Variants in PRKCA observed in about 807,000 individuals in gnomAD.
The protein encoded by PRKCA is protein kinase C alpha type.
In PRKCA, 27 loss-of-function variants were observed where a neutral mutation model predicts 87.0. The ratio of observed to expected loss-of-function variants is 0.31; its 90% CI spans 0.23 to 0.43. The LOEUF is 0.43. Ranked by LOEUF, PRKCA falls within the 20% of genes least tolerant of loss-of-function variation. The probability of loss-of-function intolerance (pLI) is 1.00; values close to 1 mark genes in which losing one functional copy is unlikely to be tolerated. For synonymous variants in PRKCA, 329 were observed against 311.1 expected, an observed-to-expected ratio of 1.06 and a Z score of -0.61; for missense variants, 518 against 852.3, an observed-to-expected ratio of 0.61 and a Z score of 4.88.
At chr17:66,617,798 TAGTAG>T (rs1475389315) in intron 3 of PRKCA, among the ~76,000 whole-genome samples, 1 of 152,180 alleles carries the variant, frequency 6.6e-6, no homozygotes, top group Non-Finnish European at 1.5e-5. Context: ...TATGACTATC[TAGTAG>T]AGTAGGAACT....
intron 2 of PRKCA, among the ~76,000 whole-genome samples, chr17:66,439,412 C>T (rs889333355): frequency 1.3e-5 from 2 of 152,126 alleles, no homozygotes; most frequent in African/African-American, 4.8e-5. Context: ...GAACTCCTGA[C>T]CTTGTGATCT....
At chr17:66,440,174 G>T (rs977073199) in intron 2 of PRKCA, among the ~76,000 whole-genome samples, 1 of 152,140 alleles carries the variant, frequency 6.6e-6, no homozygotes, top group Non-Finnish European at 1.5e-5. Context: ...CAGTGATTAT[G>T]ACCACATTGA....
chr17:66,782,313 C>T (rs528288344), intron 14 of PRKCA, among the ~76,000 whole-genome samples: 24 of 152,082 alleles, frequency 1.6e-4, no homozygotes, highest in Non-Finnish European at 3.1e-4. Flanking sequence ...TAGTCTCTAT[C>T]TTTGCAACAG....
chr17:66,511,881 A>G (rs1197402982), intron 3 of PRKCA, among the ~76,000 whole-genome samples: 2 of 151,856 alleles, frequency 1.3e-5, no homozygotes, highest in Non-Finnish European at 2.9e-5. Flanking sequence ...GGGTTTCACC[A>G]TATTGGCCAG....
chr17:66,622,392 G>C (rs966480692), intron 3 of PRKCA, among the ~76,000 whole-genome samples: 8 of 152,176 alleles, frequency 5.3e-5, no homozygotes, highest in Non-Finnish European at 1.0e-4. Context: ...TAGCCCAACA[G>C]GGCAGATCAG....
intron 2 of PRKCA, among the ~76,000 whole-genome samples, chr17:66,433,752 C>T (rs1225188807): frequency 6.6e-6 from 1 of 152,130 alleles, no homozygotes; most frequent in African/African-American, 2.4e-5. Flanking sequence ...ACCATGTTGC[C>T]CACGCTGGTC....
intron 14 of PRKCA, chr17:66,777,386 C>T (rs1975080155): frequency 1.0e-6 from 1 of 985,002 alleles, no homozygotes; most frequent in South Asian, 4.7e-5. Context: ...TAAGGCTTGA[C>T]TGACATCAAA....
intron 2 of PRKCA, among the ~76,000 whole-genome samples, chr17:66,379,194 T>C (rs1441573773): frequency 1.3e-5 from 2 of 152,196 alleles, no homozygotes; most frequent in Non-Finnish European, 2.9e-5. Flanking sequence ...CTGGATCATA[T>C]GTTAATTCTG....
intron 2 of PRKCA, among the ~76,000 whole-genome samples, chr17:66,338,719 A>G (rs1369317885): frequency 6.6e-6 from 1 of 152,218 alleles, no homozygotes; most frequent in African/African-American, 2.4e-5. Flanking sequence ...AGGGGATGAA[A>G]AAAAATATTT....
intron 3 of PRKCA, among the ~76,000 whole-genome samples, chr17:66,551,103 C>A (rs1968312432): frequency 6.6e-6 from 1 of 152,186 alleles, no homozygotes; most frequent in Non-Finnish European, 1.5e-5. Flanking sequence ...CACTCTGTCA[C>A]CCAGGCTGGA....
intron 3 of PRKCA, among the ~76,000 whole-genome samples, chr17:66,562,525 C>T (rs185300559): frequency 6.6e-6 from 1 of 152,060 alleles, no homozygotes; most frequent in African/African-American, 2.4e-5. Context: ...CTGTGTGGTC[C>T]ATCCTACCAG....
At chr17:66,395,202 A>G (rs924121706) in intron 2 of PRKCA, among the ~76,000 whole-genome samples, 1 of 152,286 alleles carries the variant, frequency 6.6e-6, no homozygotes, top group Non-Finnish European at 1.5e-5. Flanking sequence ...ACCGTTTCAG[A>G]TGGTGATGTG....
intron 2 of PRKCA, among the ~76,000 whole-genome samples, chr17:66,331,751 G>C (rs890676243): frequency 2.0e-5 from 3 of 152,150 alleles, no homozygotes; most frequent in African/African-American, 7.2e-5. Context: ...CCGAGAGAAG[G>C]GTTGGAACAT....
At chr17:66,687,665 A>G (rs1321917725) in intron 6 of PRKCA, among the ~76,000 whole-genome samples, 1 of 152,224 alleles carries the variant, frequency 6.6e-6, no homozygotes, top group Non-Finnish European at 1.5e-5. Flanking sequence ...AGTGAGTAAC[A>G]TAGAAAGTGT....
chr17:66,595,466 T>TTTTTTTTC, intron 3 of PRKCA, among the ~76,000 whole-genome samples: 1 of 140,174 alleles, frequency 7.1e-6, no homozygotes, highest in Non-Finnish European at 1.6e-5. Context: ...TTTCCTTCTT[T>TTTTTTTTC]TTTTTTTTTT....
chr17:66,788,726 C>A, intron 15 of PRKCA, 113 bp from the exon 16 acceptor site: 1 of 1,266,074 alleles, frequency 7.9e-7, no homozygotes, highest in Non-Finnish European at 1.1e-6. Flanking sequence ...CTCTGAGATG[C>A]TGTCCAGGCG....
chr17:66,456,328 G>C (rs1054183499), intron 2 of PRKCA, among the ~76,000 whole-genome samples: 2 of 152,184 alleles, frequency 1.3e-5, no homozygotes, highest in Non-Finnish European at 2.9e-5. Flanking sequence ...CTTCTGAGGT[G>C]TCTTTGTTCT....
At chr17:66,504,689 A>G (rs1311364413) in intron 3 of PRKCA, among the ~76,000 whole-genome samples, 1 of 152,230 alleles carries the variant, frequency 6.6e-6, no homozygotes, top group African/African-American at 2.4e-5. Context: ...GCCAGCCTGC[A>G]TCTAATGGGA....
chr17:66,615,030 T>C (rs1188604741), intron 3 of PRKCA, among the ~76,000 whole-genome samples: 1 of 152,130 alleles, frequency 6.6e-6, no homozygotes, highest in East Asian at 1.9e-4. Context: ...GTGTCTCTGT[T>C]GTACCATACA....
Sources: allele counts gnomAD v4.1 joint callset (sites outside exome capture counted in the v4.1 genomes callset), GRCh38; gene constraint gnomAD v4.1.1; transcripts MANE v1.5; gene names NCBI Gene and HGNC (gene_info 2026-07-23, HGNC 2026-07-21).